Variants in DOCK3 observed in about 807,000 individuals in gnomAD.
DOCK3 encodes dedicator of cytokinesis protein 3.
In DOCK3, 60 loss-of-function variants were observed where a neutral mutation model predicts 265.6. That is an observed-to-expected ratio of 0.23 (90% CI 0.18 to 0.28). The LOEUF (loss-of-function observed/expected upper bound fraction) is 0.28. Among genes scored for constraint, DOCK3 ranks in the 10% least tolerant of loss-of-function variants. DOCK3 has a pLI of 1.00. For synonymous variants in DOCK3, 881 were observed against 938.0 expected, an observed-to-expected ratio of 0.94 and a Z score of 1.11; for missense variants, 1,981 against 2,594.3, an observed-to-expected ratio of 0.76 and a Z score of 5.14.
intron 12 of DOCK3, among the ~76,000 whole-genome samples, chr3:51,205,723 A>T (rs570740789): frequency 7.9e-5 from 12 of 152,250 alleles, no homozygotes; most frequent in Admixed American, 7.2e-4. Context: ...GATAGATAGA[A>T]AGAAAGAATT....
chr3:51,007,465 G>A (rs972261929), intron 5 of DOCK3, among the ~76,000 whole-genome samples: 17 of 151,996 alleles, frequency 1.1e-4, no homozygotes, highest in African/African-American at 4.1e-4. Context: ...ACTTTTTGAT[G>A]CGGTTGATTT....
At chr3:51,093,320 A>G (rs191370554) in intron 9 of DOCK3, among the ~76,000 whole-genome samples, 1 of 152,126 alleles carries the variant, frequency 6.6e-6, no homozygotes, top group Admixed American at 6.5e-5. Context: ...AGCAAATGGA[A>G]TGTTTTTCCA....
chr3:50,766,319 A>G (rs541172922), intron 1 of DOCK3, among the ~76,000 whole-genome samples: 15 of 118,268 alleles, frequency 1.3e-4, no homozygotes, highest in African/African-American at 4.3e-4. Context: ...TCCCCTTCCT[A>G]TGTCCAAGTG....
At chr3:51,142,477 T>C (rs1303044556) in intron 9 of DOCK3, among the ~76,000 whole-genome samples, 1 of 152,214 alleles carries the variant, frequency 6.6e-6, no homozygotes, top group East Asian at 1.9e-4. Context: ...GCAACATAAA[T>C]GGAGACATAG....
intron 5 of DOCK3, among the ~76,000 whole-genome samples, chr3:50,992,703 A>G (rs1303447518): frequency 6.6e-6 from 1 of 152,206 alleles, no homozygotes; most frequent in Non-Finnish European, 1.5e-5. Context: ...GATGAAGGGA[A>G]TGTTACCACT....
chr3:50,730,857 G>A (rs1051100178), intron 1 of DOCK3, among the ~76,000 whole-genome samples: 2 of 151,292 alleles, frequency 1.3e-5, no homozygotes, highest in Middle Eastern at 3.5e-3. Context: ...TTGGCCGGGC[G>A]TGGTGGCTCA....
chr3:50,895,682 C>T (rs1323423956), intron 4 of DOCK3, among the ~76,000 whole-genome samples: 3 of 151,990 alleles, frequency 2.0e-5, no homozygotes, highest in Non-Finnish European at 4.4e-5. Flanking sequence ...CAACCCCCAA[C>T]AGGCCCCAGT....
rs1171269713 is a variant in DOCK3 at position 51,361,829 on chromosome 3, C to A, written c.5007-30C>A. The A allele has an allele frequency of 6.2e-7, 1 of 1,606,436 alleles. No homozygotes were observed. Reference sequence around the variant, plus strand: ...CCCCTGCCACCTGCCATGGGCCTGACTCCTCCCTATTTCCCACTCTTGCTC... The same window carrying A: ...CCCCTGCCACCTGCCATGGGCCTGAATCCTCCCTATTTCCCACTCTTGCTC... On this transcript the variant is annotated intron_variant, in intron 47 of 52. Transcript: ENST00000266037. This position sits in a 1 kb window ranked among gnomAD's most constrained non-coding sequence, Gnocchi z 4.2.
At chr3:51,078,057 AAAAGAGAGAG>A (rs1337329083) in intron 7 of DOCK3, among the ~76,000 whole-genome samples, 5 of 135,890 alleles carry the variant, frequency 3.7e-5, no homozygotes. Flanking sequence ...GAATCTTGAA[AAAAGAGAGAG>A]ACAGAGAGAG....
Position 50,989,095 on chromosome 3 carries a change from G to A in DOCK3, c.315+55018G>A, listed in dbSNP as rs115080197. ...AGAAGAAAAGGCTGGTCTGTCTCCT[G>A]TGGGTCTCATGCACCGCCCCCTACT... On this transcript the variant is annotated intron_variant, in intron 5 of 52. Coordinates refer to ENST00000266037, the MANE Select transcript of DOCK3 (RefSeq NM_004947.5). Among the ~76,000 whole-genome samples the A allele has an allele frequency of 3.8e-3, 575 of 152,294 alleles. 2 individuals are homozygous for A. The highest frequency in any genetic ancestry group is 0.013 in the African/African-American group (531 of 41,564).
intron 5 of DOCK3, among the ~76,000 whole-genome samples, chr3:50,978,808 G>T (rs1035420264): frequency 3.3e-5 from 5 of 152,208 alleles, no homozygotes; most frequent in African/African-American, 1.2e-4. Context: ...CTCCGTGGGC[G>T]TAGGACCCTC....
At chr3:51,083,348 T>C (rs1398728146) in intron 7 of DOCK3, among the ~76,000 whole-genome samples, 1 of 152,182 alleles carries the variant, frequency 6.6e-6, no homozygotes, top group African/African-American at 2.4e-5. Flanking sequence ...GCTGTTACAC[T>C]GGATGCCCAC....
intron 9 of DOCK3, among the ~76,000 whole-genome samples, chr3:51,105,321 T>A (rs542838037): frequency 2.6e-5 from 4 of 152,280 alleles, no homozygotes; most frequent in Admixed American, 1.3e-4. Context: ...AGTGCACAGA[T>A]AATGTGCAGA....
intron 5 of DOCK3, among the ~76,000 whole-genome samples, chr3:50,946,679 T>C (rs2076437289): frequency 6.6e-6 from 1 of 152,200 alleles, no homozygotes; most frequent in Non-Finnish European, 1.5e-5. Flanking sequence ...AAGAAGTAGT[T>C]TGTACAAGGG....
chr3:51,108,386 C>T (rs1294123623), intron 9 of DOCK3, among the ~76,000 whole-genome samples: 4 of 152,036 alleles, frequency 2.6e-5, no homozygotes, highest in South Asian at 2.1e-4. Flanking sequence ...AGCTTCTAAA[C>T]GAAGCACTAA....
At chr3:51,358,207 G>C in intron 46 of DOCK3, 130 bp downstream of exon 46, 1 of 831,554 alleles carries the variant, frequency 1.2e-6, no homozygotes, top group South Asian at 1.7e-5. Context: ...GAGAGAGGCT[G>C]TCCTCCCTAC....
chr3:51,050,113 G>A (rs2080937132), intron 5 of DOCK3, among the ~76,000 whole-genome samples: 1 of 152,172 alleles, frequency 6.6e-6, no homozygotes, highest in Admixed American at 6.5e-5. Flanking sequence ...GCTGGGCGTG[G>A]TAGCTTATAC....
chr3:51,279,523 C>T (rs1406007682), intron 26 of DOCK3, among the ~76,000 whole-genome samples: 2 of 152,208 alleles, frequency 1.3e-5, no homozygotes, highest in Non-Finnish European at 2.9e-5. Flanking sequence ...ATTGATATTT[C>T]TCCTTTAATT....
At chr3:51,336,023 G>C (rs200248391) in intron 35 of DOCK3, among the ~76,000 whole-genome samples, 1 of 148,832 alleles carries the variant, frequency 6.7e-6, no homozygotes, top group African/African-American at 2.5e-5. Context: ...AAAAGAAAAA[G>C]AAAATAGTTG....
Sources: allele counts gnomAD v4.1 joint callset (sites outside exome capture counted in the v4.1 genomes callset), GRCh38; gene constraint gnomAD v4.1.1; non-coding constraint Gnocchi (gnomAD v3.1); transcripts MANE v1.5; gene names NCBI Gene and HGNC (gene_info 2026-07-23, HGNC 2026-07-21).